The following BLTP3A variants were observed in gnomAD, a reference collection of about 807,000 sequenced individuals.
The protein encoded by BLTP3A is bridge-like lipid transfer protein family member 3A.
At chr6:34,857,172 G>A in the BLTP3A span, among the ~76,000 whole-genome samples, 3 of 152,200 alleles carry the variant, frequency 2.0e-5, no homozygotes, top group East Asian at 1.9e-4. Flanking sequence ...CGTATAGTGC[G>A]AGGCAGGTGT....
At chr6:34,848,895 C>T in the BLTP3A span, among the ~76,000 whole-genome samples, 1 of 147,438 alleles carries the variant, frequency 6.8e-6, no homozygotes, top group African/African-American at 2.5e-5. Context: ...ACTTTCTTTC[C>T]TGTCTTCCTT....
At chr6:34,836,033 G>T in the BLTP3A span, 7 of 1,269,114 alleles carry the variant, frequency 5.5e-6, no homozygotes, top group Non-Finnish European at 7.6e-6. Flanking sequence ...GCCAACAGTT[G>T]TGAGAGGGAA....
At chr6:34,870,732 TTCAG>T in the BLTP3A span, 175 of 1,309,872 alleles carry the variant, frequency 1.3e-4, 1 homozygote, top group Middle Eastern at 1.7e-3. Context: ...TGTGACTTCG[TTCAG>T]TCAGATGAGA....
At chr6:34,871,370 T>C in the BLTP3A span, among the ~76,000 whole-genome samples, 3 of 152,228 alleles carry the variant, frequency 2.0e-5, no homozygotes, top group Non-Finnish European at 4.4e-5. Flanking sequence ...ACCCTGTCTT[T>C]GGCATGCAGC....
At chr6:34,811,102 C>T in the BLTP3A span, among the ~76,000 whole-genome samples, 3 of 152,216 alleles carry the variant, frequency 2.0e-5, no homozygotes, top group South Asian at 2.1e-4. Context: ...ATAGACTGTG[C>T]GTGGTGACAT....
chr6:34,859,567 G>A, the BLTP3A span: 2 of 1,613,540 alleles, frequency 1.2e-6, no homozygotes, highest in East Asian at 2.2e-5. Flanking sequence ...CCTGCCCCCA[G>A]CCAAGTAAGT....
At chr6:34,850,827 G>T in the BLTP3A span, among the ~76,000 whole-genome samples, 1 of 152,020 alleles carries the variant, frequency 6.6e-6, no homozygotes, top group African/African-American at 2.4e-5. Context: ...CTTCTGAGTG[G>T]CTAGGACTAC....
At chr6:34,801,006 G>A in the BLTP3A span, among the ~76,000 whole-genome samples, 1 of 152,180 alleles carries the variant, frequency 6.6e-6, no homozygotes, top group African/African-American at 2.4e-5. Context: ...TGGGATTACA[G>A]GCGTGAGATT....
the BLTP3A span, among the ~76,000 whole-genome samples, chr6:34,796,088 A>G: frequency 6.6e-6 from 1 of 152,212 alleles, no homozygotes; most frequent in Non-Finnish European, 1.5e-5. Context: ...GGAAAGAGAG[A>G]GACGGGAAGG....
chr6:34,871,047 G>A, the BLTP3A span: 1 of 1,614,112 alleles, frequency 6.2e-7, no homozygotes, highest in Non-Finnish European at 8.5e-7. Flanking sequence ...GGCCCTTCTT[G>A]GAGGATGAGG....
the BLTP3A span, among the ~76,000 whole-genome samples, chr6:34,827,131 C>T: frequency 5.3e-5 from 8 of 151,860 alleles, no homozygotes; most frequent in Non-Finnish European, 1.2e-4. Context: ...GCCAACATAG[C>T]GAAACCCCAT....
chr6:34,838,182 TTGAAGTAC>T, the BLTP3A span, among the ~76,000 whole-genome samples: 3 of 152,240 alleles, frequency 2.0e-5, no homozygotes, highest in East Asian at 3.8e-4. Context: ...GGGAGGCATC[TTGAAGTAC>T]AATACACCAG....
the BLTP3A span, among the ~76,000 whole-genome samples, chr6:34,801,580 T>C: frequency 6.6e-6 from 1 of 152,182 alleles, no homozygotes; most frequent in East Asian, 1.9e-4. Context: ...AAAGAAGCAT[T>C]GTCCCTTGTC....
At chr6:34,856,422 G>A in the BLTP3A span, 8 of 1,611,456 alleles carry the variant, frequency 5.0e-6, no homozygotes, top group African/African-American at 1.1e-4. Context: ...GGGTTATGAG[G>A]AACTGGAAGA....
At chr6:34,867,337 C>T in the BLTP3A span, 1 of 1,614,190 alleles carries the variant, frequency 6.2e-7, no homozygotes, top group Non-Finnish European at 8.5e-7. Flanking sequence ...CAGCAGCCAA[C>T]AGTTCAGTTT....
chr6:34,824,473 G>A, the BLTP3A span, among the ~76,000 whole-genome samples: 7 of 149,436 alleles, frequency 4.7e-5, no homozygotes, highest in Admixed American at 1.3e-4. Flanking sequence ...CAAGAGAATC[G>A]CTTGAACCCG....
At chr6:34,833,152 C>T in the BLTP3A span, among the ~76,000 whole-genome samples, 1 of 152,056 alleles carries the variant, frequency 6.6e-6, no homozygotes, top group African/African-American at 2.4e-5. Context: ...TTTTTTTCAA[C>T]CAAATGCAGA....
chr6:34,840,829 G>T, the BLTP3A span, among the ~76,000 whole-genome samples: 1 of 151,680 alleles, frequency 6.6e-6, no homozygotes, highest in Non-Finnish European at 1.5e-5. Context: ...TATGAACCAG[G>T]ATGCTCTCGA....
the BLTP3A span, chr6:34,858,806 A>C: frequency 6.2e-7 from 1 of 1,613,988 alleles, no homozygotes; most frequent in African/African-American, 1.3e-5. Context: ...GCAGATGTTC[A>C]TATGCTTGTA....
Sources: allele counts gnomAD v4.1 joint callset (sites outside exome capture counted in the v4.1 genomes callset), GRCh38; gene constraint gnomAD v4.1.1; transcripts MANE v1.5; gene names NCBI Gene and HGNC (gene_info 2026-07-23, HGNC 2026-07-21).